Variants in ATRNL1 observed in about 807,000 individuals in gnomAD.
ATRNL1 encodes attractin-like protein 1.
A neutral mutation model predicts 182.7 loss-of-function variants in ATRNL1; 95 were observed. The observed-to-expected ratio is 0.52, with a 90% confidence interval of 0.44 to 0.62. The LOEUF (loss-of-function observed/expected upper bound fraction) is 0.62, where lower values mean the gene tolerates loss of function less well. Ranked by LOEUF, ATRNL1 falls within the 20% of genes least tolerant of loss-of-function variation. The probability of loss-of-function intolerance (pLI) is 0.00; values close to 1 mark genes in which losing one functional copy is unlikely to be tolerated. For synonymous variants in ATRNL1, 576 were observed against 568.3 expected (o/e 1.01, Z -0.19); for missense variants, 1,471 against 1,679.5 (o/e 0.88, Z 2.17).
chr10:115,718,281 G>A (rs1555056830), intron 26 of ATRNL1, among the ~76,000 whole-genome samples: 1 of 152,112 alleles, frequency 6.6e-6, no homozygotes, highest in East Asian at 1.9e-4. Context: ...CCTCTGCACT[G>A]TATCTTTCCT....
chr10:115,093,613 G>C lies in ATRNL1; in HGVS notation c.-138G>C. The C allele has an allele frequency of 1.0e-6, 1 of 995,146 alleles. No homozygotes were observed. The highest frequency in any genetic ancestry group is 1.5e-6 in the Non-Finnish European group (1 of 666,748). The allele number at this position is 995,146 out of a possible 1,614,324, so 61.6% of individuals were successfully genotyped here. On this transcript the variant is annotated 5_prime_UTR_variant, in exon 1 of 29. Transcript: ENST00000355044. The surrounding 1 kb of genome is among the most constrained non-coding windows in gnomAD (Gnocchi z 6.1). Reference sequence around the variant, plus strand: ...GTTGGGATCTGTCCCTCCTGACCGGGGAGCGGGACTCGGACGGGCGCCGGT... The same window carrying C: ...GTTGGGATCTGTCCCTCCTGACCGGCGAGCGGGACTCGGACGGGCGCCGGT...
intron 28 of ATRNL1, among the ~76,000 whole-genome samples, chr10:115,861,256 T>G (rs1236460626): frequency 6.6e-6 from 1 of 152,168 alleles, no homozygotes; most frequent in Admixed American, 6.5e-5. Flanking sequence ...TCATTTACTA[T>G]TATAAAATTT....
At chr10:115,587,630 G>A (rs545494693) in intron 26 of ATRNL1, among the ~76,000 whole-genome samples, 82 of 151,804 alleles carry the variant, frequency 5.4e-4, no homozygotes, top group Admixed American at 3.8e-3. Context: ...CGCATGGTGC[G>A]TGCACCCACT....
intron 26 of ATRNL1, among the ~76,000 whole-genome samples, chr10:115,598,597 T>C (rs1927482): frequency 0.49 from 74,773 of 151,496 alleles, 19,388 homozygotes; most frequent in African/African-American, 0.6. Flanking sequence ...CTGCTGACCT[T>C]GTGATCCACC....
chr10:115,257,476 G>T (rs188076259), intron 10 of ATRNL1, among the ~76,000 whole-genome samples: 134 of 152,132 alleles, frequency 8.8e-4, no homozygotes, highest in African/African-American at 3.1e-3. Context: ...CTTTCCATTT[G>T]CTTGGTAGAT....
chr10:115,533,921 A>C (rs2133757527), intron 25 of ATRNL1, among the ~76,000 whole-genome samples: 1 of 148,406 alleles, frequency 6.7e-6, no homozygotes, highest in South Asian at 2.2e-4. Context: ...GTTTTGAGTG[A>C]GTTTCTTAAT....
At chr10:115,400,315 A>C (rs1482221591) in intron 20 of ATRNL1, among the ~76,000 whole-genome samples, 2 of 152,088 alleles carry the variant, frequency 1.3e-5, no homozygotes, top group African/African-American at 4.8e-5. Context: ...AAGAGACTGT[A>C]ATGATTTCAG....
At chr10:115,334,781 A>G (rs782764982) in intron 19 of ATRNL1, among the ~76,000 whole-genome samples, 7 of 152,212 alleles carry the variant, frequency 4.6e-5, no homozygotes, top group Non-Finnish European at 8.8e-5. Flanking sequence ...ATTAAAAGTT[A>G]AATGTGTTTA....
chr10:115,387,664 G>C (rs1275819296), intron 19 of ATRNL1, among the ~76,000 whole-genome samples: 1 of 152,124 alleles, frequency 6.6e-6, no homozygotes, highest in Non-Finnish European at 1.5e-5. Context: ...GTTATAAATA[G>C]CTCCTATAAA....
intron 22 of ATRNL1, among the ~76,000 whole-genome samples, chr10:115,466,894 G>T (rs1554970910): frequency 6.6e-6 from 1 of 150,952 alleles, no homozygotes; most frequent in Non-Finnish European, 1.5e-5. Flanking sequence ...TAAGCAAAGA[G>T]AATCCAAATA....
chr10:115,604,750 C>A (rs1555017092), intron 26 of ATRNL1, among the ~76,000 whole-genome samples: 1 of 152,140 alleles, frequency 6.6e-6, no homozygotes, highest in African/African-American at 2.4e-5. Context: ...AATCACTGTG[C>A]TTCTCTGCCT....
At chr10:115,442,901 T>C (rs1439730156) in intron 21 of ATRNL1, among the ~76,000 whole-genome samples, 1 of 152,080 alleles carries the variant, frequency 6.6e-6, no homozygotes, top group Non-Finnish European at 1.5e-5. Flanking sequence ...ATATATATTT[T>C]CTTAAGTATT....
intron 17 of ATRNL1, among the ~76,000 whole-genome samples, chr10:115,314,901 T>C (rs1401167142): frequency 6.6e-6 from 1 of 152,204 alleles, no homozygotes; most frequent in East Asian, 1.9e-4. Context: ...GAATGTGTGC[T>C]CTGGTTGCCT....
At chr10:115,201,370 C>T (rs1471147458) in intron 8 of ATRNL1, among the ~76,000 whole-genome samples, 4 of 152,054 alleles carry the variant, frequency 2.6e-5, no homozygotes, top group Admixed American at 6.6e-5. Flanking sequence ...TTAGGTCTAA[C>T]ATTTAAGTGT....
At chr10:115,329,554 A>T (rs1554934425) in intron 18 of ATRNL1, among the ~76,000 whole-genome samples, 1 of 152,044 alleles carries the variant, frequency 6.6e-6, no homozygotes, top group East Asian at 1.9e-4. Context: ...TTTCTATATT[A>T]AGTTACTCCA....
chr10:115,723,292 G>A (rs1276970719), intron 26 of ATRNL1, among the ~76,000 whole-genome samples: 1 of 152,148 alleles, frequency 6.6e-6, no homozygotes, highest in Non-Finnish European at 1.5e-5. Flanking sequence ...GAAGACAATT[G>A]CAGGCAGAGT....
At chr10:115,910,972 C>A (rs1376210737) in intron 28 of ATRNL1, among the ~76,000 whole-genome samples, 1 of 152,108 alleles carries the variant, frequency 6.6e-6, no homozygotes, top group African/African-American at 2.4e-5. Flanking sequence ...TGGCAACAAC[C>A]CAGTGTAAAA....
rs555432507 is a variant in ATRNL1 at position 115,469,897 on chromosome 10, A to G, written c.3654+568A>G. Among the ~76,000 whole-genome samples, 5 of 150,644 alleles carry G rather than the reference A, an allele frequency of 3.3e-5. No individual in the cohort carries two copies. In the South Asian group the frequency reaches 8.3e-4, roughly 25 times the overall value. Reference sequence around the variant, plus strand: ...AGGAAAGAATTGGAATATTCTTTCTATCTTATAGTCAAGGTTTGTGTTCTT... The same window carrying G: ...AGGAAAGAATTGGAATATTCTTTCTGTCTTATAGTCAAGGTTTGTGTTCTT... On this transcript the variant is annotated intron_variant, in intron 24 of 28. Coordinates refer to ENST00000355044, the MANE Select transcript of ATRNL1 (RefSeq NM_207303.4).
chr10:115,416,485 A>C (rs1554960899), intron 20 of ATRNL1, among the ~76,000 whole-genome samples: 1 of 152,172 alleles, frequency 6.6e-6, no homozygotes, highest in African/African-American at 2.4e-5. Context: ...TATTTAATAG[A>C]GAATGTAGTT....
Sources: allele counts gnomAD v4.1 joint callset (sites outside exome capture counted in the v4.1 genomes callset), GRCh38; gene constraint gnomAD v4.1.1; non-coding constraint Gnocchi (gnomAD v3.1); transcripts MANE v1.5; gene names NCBI Gene and HGNC (gene_info 2026-07-23, HGNC 2026-07-21).